ADGRL2: variants seen among roughly 807,000 people sequenced by gnomAD.
The protein encoded by ADGRL2 is calcium-independent alpha-latrotoxin receptor 2.
Under a neutral mutation model 157.4 loss-of-function variants are expected in ADGRL2, and 44 were observed. The ratio of observed to expected loss-of-function variants is 0.28; its 90% CI spans 0.22 to 0.36. The LOEUF (loss-of-function observed/expected upper bound fraction) is 0.36. Among genes scored for constraint, ADGRL2 ranks in the 10% least tolerant of loss-of-function variants. The pLI, the probability that ADGRL2 is intolerant of heterozygous loss-of-function variation, is 1.00. For synonymous variants in ADGRL2, 585 were observed against 624.7 expected, an observed-to-expected ratio of 0.94 and a Z score of 0.95; for missense variants, 1,510 against 1,768.9, an observed-to-expected ratio of 0.85 and a Z score of 2.63.
chr1:81,573,826 A>T lies in ADGRL2; in HGVS notation c.-247-7050A>T, dbSNP rs1045307165. On this transcript the variant is annotated intron_variant, in intron 2 of 24. Coordinates refer to the ADGRL2 transcript ENST00000370721. ...TCCTTATATTTGAGTTTCTCTTATT[A>T]TAAGGTGATCTACCAAGTCTTATTT... Among the ~76,000 whole-genome samples the T allele has an allele frequency of 5.3e-5, 8 of 152,326 alleles. No individual in the cohort carries two copies. The South Asian group carries it at 1.4e-3, about 28-fold the overall frequency.
intron 1 of ADGRL2, among the ~76,000 whole-genome samples, chr1:81,335,232 G>A (rs967597710): frequency 6.6e-6 from 1 of 152,050 alleles, no homozygotes; most frequent in Non-Finnish European, 1.5e-5. Context: ...AATACTTTTT[G>A]TGAAGTATTT....
At chr1:81,442,707 T>A (rs139838216) in intron 1 of ADGRL2, among the ~76,000 whole-genome samples, 130 of 152,304 alleles carry the variant, frequency 8.5e-4, no homozygotes, top group Admixed American at 2.0e-3. Context: ...ATCCAAGGAC[T>A]GTCATTTTGA....
intron 6 of ADGRL2, among the ~76,000 whole-genome samples, chr1:81,944,481 T>C (rs1010599070): frequency 6.6e-6 from 1 of 152,040 alleles, no homozygotes; most frequent in African/African-American, 2.4e-5. Context: ...CTTTGGTTTA[T>C]TAAGTGAGTT....
chr1:81,337,747 C>T (rs1661758805), intron 1 of ADGRL2, among the ~76,000 whole-genome samples: 1 of 152,126 alleles, frequency 6.6e-6, no homozygotes, highest in Admixed American at 6.5e-5. Flanking sequence ...AAGAGAGTTG[C>T]CATTTATCTT....
At chr1:81,608,321 G>A (rs75897442) in intron 3 of ADGRL2, among the ~76,000 whole-genome samples, 4,003 of 152,200 alleles carry the variant, frequency 0.026, 167 homozygotes, top group African/African-American at 0.091. Flanking sequence ...CATGCATGAG[G>A]CATCCGGGAA....
intron 2 of ADGRL2, among the ~76,000 whole-genome samples, chr1:81,859,957 A>G (rs554262617): frequency 6.6e-5 from 10 of 151,916 alleles, no homozygotes; most frequent in Middle Eastern, 3.4e-3. Flanking sequence ...CAGGCGTGGT[A>G]GCTCACACCT....
intron 2 of ADGRL2, among the ~76,000 whole-genome samples, chr1:81,783,516 C>A (rs2086903898): frequency 6.6e-6 from 1 of 151,782 alleles, no homozygotes; most frequent in South Asian, 2.1e-4. Flanking sequence ...GTTTGTAAAT[C>A]TCCTTAAATC....
intron 1 of ADGRL2, among the ~76,000 whole-genome samples, chr1:81,358,146 G>T (rs2100888649): frequency 6.6e-6 from 1 of 152,170 alleles, no homozygotes; most frequent in East Asian, 1.9e-4. Flanking sequence ...AACATAATTT[G>T]TTTTAAAAAT....
intron 1 of ADGRL2, among the ~76,000 whole-genome samples, chr1:81,829,300 CT>C (rs1234599583): frequency 1.3e-5 from 2 of 152,130 alleles, no homozygotes; most frequent in Non-Finnish European, 2.9e-5. Context: ...TAGACTCTAG[CT>C]TTATCTTTAG....
At chr1:81,891,114 TCTTTTACATACTTTTCTGGGAACCCATTC>T (rs2094253001) in intron 2 of ADGRL2, among the ~76,000 whole-genome samples, 1 of 151,902 alleles carries the variant, frequency 6.6e-6, no homozygotes, top group Non-Finnish European at 1.5e-5. Flanking sequence ...ATAATTTTAG[TCTTTTACATACTTTTCTGGGAACCCATTC>T]CCAAATCACT....
chr1:81,888,125 T>C (rs1187827966), intron 2 of ADGRL2, among the ~76,000 whole-genome samples: 1 of 152,158 alleles, frequency 6.6e-6, no homozygotes, highest in Non-Finnish European at 1.5e-5. Context: ...GTAATGTGAT[T>C]GTTGAACTCA....
At chr1:81,784,727 CAA>C (rs375897514) in intron 2 of ADGRL2, among the ~76,000 whole-genome samples, 6 of 110,262 alleles carry the variant, frequency 5.4e-5, no homozygotes, top group Non-Finnish European at 7.4e-5. Context: ...GACCCCGTCT[CAA>C]AAAAAAAAAA....
intron 12 of ADGRL2, 98 bp from the exon 13 acceptor site, chr1:81,966,306 A>G: frequency 6.6e-7 from 1 of 1,513,740 alleles, no homozygotes; most frequent in Non-Finnish European, 9.1e-7. Flanking sequence ...GCAGATATAA[A>G]ACAGTGCCTT....
chr1:81,568,343 T>A (rs2080609753), intron 2 of ADGRL2, among the ~76,000 whole-genome samples: 1 of 152,178 alleles, frequency 6.6e-6, no homozygotes, highest in Admixed American at 6.5e-5. Flanking sequence ...CTTTTTAAGT[T>A]ACTCTGAGCT....
chr1:81,509,257 G>A (rs2079033424), intron 2 of ADGRL2, among the ~76,000 whole-genome samples: 1 of 152,052 alleles, frequency 6.6e-6, no homozygotes, highest in Non-Finnish European at 1.5e-5. Flanking sequence ...TTAGTGTCTG[G>A]TGGCCTTTGC....
chr1:81,897,967 A>G (rs1282542520), intron 2 of ADGRL2, among the ~76,000 whole-genome samples: 1 of 152,272 alleles, frequency 6.6e-6, no homozygotes, highest in East Asian at 1.9e-4. Flanking sequence ...GCATGGTGGC[A>G]TGAGCCTGCA....
At chr1:81,549,658 G>A (rs1252244632) in intron 2 of ADGRL2, among the ~76,000 whole-genome samples, 2 of 152,170 alleles carry the variant, frequency 1.3e-5, no homozygotes, top group Admixed American at 1.3e-4. Flanking sequence ...AGTGGTTTTA[G>A]GAGAGAGCTA....
intron 1 of ADGRL2, among the ~76,000 whole-genome samples, chr1:81,351,202 A>G (rs1169829787): frequency 6.6e-6 from 1 of 151,398 alleles, no homozygotes; most frequent in Admixed American, 6.6e-5. Flanking sequence ...TTGTCAGTCC[A>G]GATGTTTTTT....
chr1:81,864,205 A>G (rs767552839), intron 2 of ADGRL2, among the ~76,000 whole-genome samples: 15 of 152,296 alleles, frequency 9.8e-5, no homozygotes, highest in Non-Finnish European at 1.6e-4. Context: ...TTAATTCTGT[A>G]TATCCATCTA....
Sources: gnomAD v4.1 joint callset for allele counts (sites outside exome capture counted in the v4.1 genomes callset) on GRCh38, gnomAD v4.1.1 for gene constraint, MANE v1.5 for transcripts, NCBI Gene and HGNC (gene_info 2026-07-23, HGNC 2026-07-21) for gene names.